CEP70: variants seen among roughly 807,000 people sequenced by gnomAD.
CEP70 encodes centrosomal protein 70.
Under a neutral mutation model 90.9 loss-of-function variants are expected in CEP70, and 70 were observed. The observed-to-expected ratio is 0.77, with a 90% CI of 0.64 to 0.94. The LOEUF is 0.94. CEP70 is among the 40% of genes least tolerant of loss of function. CEP70 has a pLI of 0.00. For synonymous variants in CEP70, 220 were observed against 228.3 expected, an observed-to-expected ratio of 0.96 and a Z score of 0.33; for missense variants, 648 against 669.0, an observed-to-expected ratio of 0.97 and a Z score of 0.35.
chr3:138,496,017 A>G, intron 17 of CEP70: 3 of 985,346 alleles, frequency 3.0e-6, no homozygotes, highest in South Asian at 4.7e-5. Context: ...TCCTAAGACT[A>G]TCTTATTCCA....
intron 2 of CEP70, among the ~76,000 whole-genome samples, chr3:138,581,718 A>G (rs1406436364): frequency 6.7e-6 from 1 of 149,798 alleles, no homozygotes; most frequent in Non-Finnish European, 1.5e-5. Context: ...AAAAAAAAGA[A>G]TAAGAAAAGA....
rs527326752 is a variant in CEP70, at chr3:138,525,223, A to G, written c.944+267T>C. Among the ~76,000 whole-genome samples, 9 of 150,124 alleles carry G rather than the reference A, an allele frequency of 6.0e-5. No homozygotes were observed. In the South Asian group the frequency reaches 1.7e-3, roughly 29 times the overall value. ...GGTGGGAGTTGAACAATGAGAACAC[A>G]TGGACACAGGAAGGGGAACACCATA... is the stretch of plus-strand genomic sequence containing the variant. On this transcript the variant is annotated intron_variant, in intron 11 of 17. Transcript: ENST00000264982.
At chr3:138,572,998 G>A in intron 2 of CEP70, 66 bp from the exon 3 acceptor site, 1 of 1,072,282 alleles carries the variant, frequency 9.3e-7, no homozygotes, top group Non-Finnish European at 1.4e-6. Flanking sequence ...AATGAAAAAA[G>A]ACAAAAAGTG....
intron 11 of CEP70, among the ~76,000 whole-genome samples, chr3:138,516,997 G>T (rs1247011494): frequency 6.6e-6 from 1 of 152,258 alleles, no homozygotes; most frequent in South Asian, 2.1e-4. Context: ...AAGTCAGGAA[G>T]GGTACAAGCA....
chr3:138,560,414 T>C (rs2108040063), intron 6 of CEP70, among the ~76,000 whole-genome samples: 1 of 152,034 alleles, frequency 6.6e-6, no homozygotes, highest in African/African-American at 2.4e-5. Flanking sequence ...GGCCCTGGGT[T>C]TCAATCACAA....
At chr3:138,503,911 T>C (rs540292869) in intron 13 of CEP70, among the ~76,000 whole-genome samples, 16 of 152,366 alleles carry the variant, frequency 1.1e-4, no homozygotes. Flanking sequence ...TTTTGTTTCA[T>C]ATTTTTTAGT....
chr3:138,532,908 T>C (rs2037949791), intron 7 of CEP70, among the ~76,000 whole-genome samples: 2 of 152,244 alleles, frequency 1.3e-5, no homozygotes, highest in South Asian at 4.1e-4. Flanking sequence ...CACTGCACCA[T>C]TATTTAAGAG....
intron 6 of CEP70, among the ~76,000 whole-genome samples, chr3:138,542,871 C>T (rs976067335): frequency 1.3e-5 from 2 of 152,194 alleles, no homozygotes; most frequent in African/African-American, 4.8e-5. Flanking sequence ...GACAGAACAA[C>T]TCTCAGTAGA....
At chr3:138,525,615 T>C (rs2037152197) in intron 10 of CEP70, 51 bp from the exon 11 acceptor site, 3 of 821,834 alleles carry the variant, frequency 3.7e-6, no homozygotes, top group Non-Finnish European at 5.3e-6. Flanking sequence ...AATAAAAGCA[T>C]AAAGGTACTT....
In CEP70 at chr3:138,500,734, C is replaced by A. The variant is rs377207926; in HGVS notation, c.1368+1G>T. On this transcript the variant is annotated splice_donor_variant, in intron 14 of 17. Transcript: ENST00000264982. LOFTEE classifies it high-confidence loss of function. ...AAGGTGACCGTTCATGTAGGTATTA[C>A]CTTTTCCTTATTTTCAACTTCTTCC... 1.9e-6 allele frequency: 3 copies of A among 1,591,188 alleles called. No homozygotes were observed. The highest frequency in any genetic ancestry group is 2.6e-6 in the Non-Finnish European group (3 of 1,170,604).
At chr3:138,524,481 C>T (rs570433172) in intron 11 of CEP70, among the ~76,000 whole-genome samples, 6 of 152,270 alleles carry the variant, frequency 3.9e-5, no homozygotes, top group Non-Finnish European at 7.3e-5. Context: ...AGGCGACCTA[C>T]AGAATGGGAG....
At chr3:138,508,123 T>C (rs2035161991) in intron 12 of CEP70, among the ~76,000 whole-genome samples, 1 of 152,004 alleles carries the variant, frequency 6.6e-6, no homozygotes, top group South Asian at 2.1e-4. Flanking sequence ...TTAATAATAA[T>C]GGTAACAACA....
At position 138,532,672 on chromosome 3, in the gene CEP70, A is replaced by T. The variant is rs923405888; in HGVS notation, c.636-102T>A. 9 of 1,064,422 alleles carry T rather than the reference A, an allele frequency of 8.5e-6. No individual in the cohort carries two copies. In the African/African-American group the frequency reaches 1.3e-4, roughly 16 times the overall value. The allele number at this position is 1,064,422 out of a possible 1,614,324, so 65.9% of individuals were successfully genotyped here. A position where few individuals can be genotyped will look rare whatever the true frequency, so the allele number is the denominator to read the frequency against. ...CAAATTACAGTGTAAAAGTAAGTAC[A>T]GATTATCTGGCAGGCTTTAAAAAAT... On this transcript the variant is annotated intron_variant, in intron 7 of 17. Transcript: ENST00000264982.
intron 1 of CEP70, chr3:138,592,916 A>T (rs1182168276): frequency 2.6e-5 from 4 of 152,232 alleles, no homozygotes; most frequent in Admixed American, 6.5e-5. Flanking sequence ...TATTAAATGC[A>T]AAAGCTCTAT....
intron 6 of CEP70, among the ~76,000 whole-genome samples, chr3:138,541,094 G>C (rs930525307): frequency 1.3e-5 from 2 of 152,100 alleles, no homozygotes; most frequent in Admixed American, 6.6e-5. Context: ...TGGAGGGTGG[G>C]AGAAGGAAGA....
intron 2 of CEP70, among the ~76,000 whole-genome samples, chr3:138,575,409 TA>T (rs893706372): frequency 2.6e-5 from 4 of 151,362 alleles, no homozygotes; most frequent in African/African-American, 9.7e-5. Context: ...GAGAAAAAAG[TA>T]AAAAGGAATG....
At chr3:138,575,451 T>C (rs1228507577) in intron 2 of CEP70, among the ~76,000 whole-genome samples, 1 of 152,080 alleles carries the variant, frequency 6.6e-6, no homozygotes, top group Non-Finnish European at 1.5e-5. Context: ...TGGGACTATG[T>C]GAAAAGACCA....
At chr3:138,511,848 G>A (rs947152285) in intron 11 of CEP70, among the ~76,000 whole-genome samples, 2 of 152,098 alleles carry the variant, frequency 1.3e-5, no homozygotes, top group African/African-American at 4.8e-5. Flanking sequence ...TAGGAAACTG[G>A]TTCACTTAGT....
At chr3:138,495,808 C>T (rs1229325507) in intron 17 of CEP70, 43 of 843,566 alleles carry the variant, frequency 5.1e-5, no homozygotes, top group Non-Finnish European at 6.1e-5. Context: ...GCTGAGATTG[C>T]GTCACTGCAC....
Sources: allele counts gnomAD v4.1 joint callset (sites outside exome capture counted in the v4.1 genomes callset), GRCh38; gene constraint gnomAD v4.1.1; transcripts MANE v1.5; gene names NCBI Gene and HGNC (gene_info 2026-07-23, HGNC 2026-07-21).